The following LIMCH1 variants were observed in gnomAD, a reference collection of about 807,000 sequenced individuals.
LIMCH1 encodes the protein LIM and calponin homology domains-containing protein 1.
LIMCH1 carries 113 observed loss-of-function variants against 176.5 expected under a neutral mutation model. The ratio of observed to expected loss-of-function variants is 0.64; its 90% CI spans 0.55 to 0.75. The LOEUF is 0.75. Ranked by LOEUF, LIMCH1 falls within the 30% of genes least tolerant of loss-of-function variation. LIMCH1 has a pLI of 0.00. For missense variants in LIMCH1, 1,674 were observed against 1,814.9 expected (o/e 0.92, Z 1.41); for synonymous variants, 619 against 645.9 (o/e 0.96, Z 0.63).
intron 1 of LIMCH1, among the ~76,000 whole-genome samples, chr4:41,410,014 A>G (rs1447751102): frequency 6.6e-6 from 1 of 152,218 alleles, no homozygotes; most frequent in African/African-American, 2.4e-5. Context: ...GCCTCAGAAT[A>G]GTTAAGAAAG....
chr4:41,556,379 G>A (rs1239687281), intron 1 of LIMCH1, among the ~76,000 whole-genome samples: 2 of 140,586 alleles, frequency 1.4e-5, no homozygotes, highest in Non-Finnish European at 3.0e-5. Context: ...TGGGCAACAA[G>A]GGCAAAACTC....
At chr4:41,397,497 A>G (rs16853184) in intron 1 of LIMCH1, among the ~76,000 whole-genome samples, 4,016 of 152,148 alleles carry the variant, frequency 0.026, 185 homozygotes, top group African/African-American at 0.091. Context: ...ATTTAGCCCT[A>G]TGGATTCCAA....
intron 2 of LIMCH1, among the ~76,000 whole-genome samples, chr4:41,600,690 C>T (rs2089760867): frequency 6.6e-6 from 1 of 152,104 alleles, no homozygotes; most frequent in Non-Finnish European, 1.5e-5. Context: ...CTTCAGCAGG[C>T]CCCATGTATT....
At chr4:41,553,014 T>G (rs2080712617) in intron 1 of LIMCH1, among the ~76,000 whole-genome samples, 1 of 152,208 alleles carries the variant, frequency 6.6e-6, no homozygotes, top group African/African-American at 2.4e-5. Context: ...ATTTATAAAA[T>G]CATGTAATTA....
intron 1 of LIMCH1, among the ~76,000 whole-genome samples, chr4:41,412,661 G>A (rs929952124): frequency 2.6e-5 from 4 of 152,170 alleles, no homozygotes; most frequent in African/African-American, 9.7e-5. Context: ...TTAGAATCAT[G>A]CTTTATAGGT....
intron 1 of LIMCH1, among the ~76,000 whole-genome samples, chr4:41,393,242 G>A (rs998066349): frequency 4.6e-5 from 7 of 152,096 alleles, no homozygotes; most frequent in Non-Finnish European, 7.4e-5. Context: ...GGCTTTCCTC[G>A]TTGAATGTGT....
At chr4:41,536,847 T>C (rs1185897301), upstream of LIMCH1, among the ~76,000 whole-genome samples, 1 of 152,188 alleles carries the variant, frequency 6.6e-6, no homozygotes, top group Non-Finnish European at 1.5e-5. Flanking sequence ...AGAAAGAGCA[T>C]ATTAGGGAAA....
chr4:41,381,110 G>A (rs1165669227), intron 1 of LIMCH1, among the ~76,000 whole-genome samples: 1 of 152,204 alleles, frequency 6.6e-6, no homozygotes, highest in Non-Finnish European at 1.5e-5. Flanking sequence ...GCCACTGAAT[G>A]CCAGGCACTG....
intron 1 of LIMCH1, among the ~76,000 whole-genome samples, chr4:41,539,666 C>T (rs193116091): frequency 6.6e-6 from 1 of 152,320 alleles, no homozygotes; most frequent in Admixed American, 6.5e-5. Context: ...ACTATGCATT[C>T]CAGGCTGATA....
chr4:41,504,945 C>T (rs963774664), intron 2 of LIMCH1, among the ~76,000 whole-genome samples: 11 of 152,138 alleles, frequency 7.2e-5, no homozygotes, highest in Non-Finnish European at 1.3e-4. Context: ...CTAGATTTGC[C>T]TCCTGTGTAT....
At chr4:41,655,211 A>G (rs1479331690) in intron 18 of LIMCH1, among the ~76,000 whole-genome samples, 8 of 152,182 alleles carry the variant, frequency 5.3e-5, no homozygotes, top group Non-Finnish European at 1.2e-4. Flanking sequence ...TACTTCATAC[A>G]CTATATCAAA....
chr4:41,395,538 C>T (rs981504029), intron 1 of LIMCH1, among the ~76,000 whole-genome samples: 8 of 152,086 alleles, frequency 5.3e-5, no homozygotes, highest in East Asian at 1.9e-4. Context: ...CCACCGTGTC[C>T]GGCCGAATAT....
intron 25 of LIMCH1, 147 bp from the exon 26 acceptor site, chr4:41,682,186 C>CA (rs1434475527): frequency 2.0e-6 from 1 of 509,206 alleles, no homozygotes. Flanking sequence ...AGTTGGAAAT[C>CA]AGTTGCTATT....
intron 1 of LIMCH1, among the ~76,000 whole-genome samples, chr4:41,391,418 G>A (rs2057225785): frequency 6.6e-6 from 1 of 152,150 alleles, no homozygotes; most frequent in Admixed American, 6.6e-5. Flanking sequence ...TCTAACGTCA[G>A]CACATAGAAC....
intron 1 of LIMCH1, among the ~76,000 whole-genome samples, chr4:41,419,292 C>G (rs900000076): frequency 6.6e-6 from 1 of 152,106 alleles, no homozygotes; most frequent in African/African-American, 2.4e-5. Context: ...ATTCTCCTGC[C>G]TCAGCCTCCC....
chr4:41,453,476 A>T (rs966091246), intron 1 of LIMCH1: 2 of 152,264 alleles, frequency 1.3e-5, no homozygotes, highest in Non-Finnish European at 2.9e-5. Context: ...GTTCTTTAGA[A>T]AATCATAAGG....
chr4:41,382,945 C>G (rs555218423), intron 1 of LIMCH1, among the ~76,000 whole-genome samples: 2 of 152,100 alleles, frequency 1.3e-5, no homozygotes, highest in African/African-American at 4.8e-5. Flanking sequence ...TGCATGCCAG[C>G]ACACCTGGCT....
intron 17 of LIMCH1, among the ~76,000 whole-genome samples, chr4:41,647,741 C>T (rs1355037252): frequency 2.6e-5 from 4 of 152,230 alleles, no homozygotes; most frequent in African/African-American, 7.2e-5. Context: ...TGTGATGCCA[C>T]GTAGCTTCCT....
At chr4:41,576,307 T>C (rs1561803997) in intron 1 of LIMCH1, among the ~76,000 whole-genome samples, 1 of 152,190 alleles carries the variant, frequency 6.6e-6, no homozygotes, top group African/African-American at 2.4e-5. Flanking sequence ...AAGTAACTTA[T>C]TGTTTTATCT....
Sources: gnomAD v4.1 joint callset for allele counts (sites outside exome capture counted in the v4.1 genomes callset) on GRCh38, gnomAD v4.1.1 for gene constraint, MANE v1.5 for transcripts, NCBI Gene and HGNC (gene_info 2026-07-23, HGNC 2026-07-21) for gene names.